The following FGF13 variants were observed in gnomAD, a reference collection of about 807,000 sequenced individuals.
FGF13 encodes the protein fibroblast growth factor homologous factor 2.
A neutral mutation model predicts 19.5 loss-of-function variants in FGF13; 2 were observed. The ratio of observed to expected loss-of-function variants is 0.10; its 90% CI spans 0.04 to 0.32. FGF13 has a LOEUF of 0.32. Ranked by LOEUF, FGF13 falls within the 10% of genes least tolerant of loss-of-function variation. The pLI is 1.00. For synonymous variants in FGF13, 72 were observed against 76.9 expected (o/e 0.94, Z 0.33); for missense variants, 113 against 192.7 (o/e 0.59, Z 2.45).
At chrX:138,715,730 A>T (rs1376952950), upstream of FGF13, among the ~76,000 whole-genome samples, 1 of 112,240 alleles carries the variant, frequency 8.9e-6, no homozygotes, top group African/African-American at 3.2e-5. Flanking sequence ...ATGAGAACAT[A>T]AATTCTAAAT....
intron 1 of FGF13, among the ~76,000 whole-genome samples, chrX:139,126,057 T>C (rs1053826738): frequency 8.9e-6 from 1 of 112,158 alleles, no homozygotes; most frequent in Non-Finnish European, 1.9e-5. Flanking sequence ...TAAATGTACC[T>C]ATACTTTACA....
intron 1 of FGF13, among the ~76,000 whole-genome samples, chrX:139,057,151 A>G (rs984275477): frequency 3.6e-5 from 4 of 111,919 alleles, no homozygotes; most frequent in African/African-American, 1.3e-4. Flanking sequence ...GGGGCATCTG[A>G]GCTAAATCTT....
In FGF13 at chrX:138,872,383, C is replaced by T. The variant is rs776895907; in HGVS notation, c.-112-7733G>A. ...TGTAGAATGTGATCAAATAGGTACCCGGCAAATATTAACATTGCAGGAGAG... is the reference window on the plus strand; with the variant it reads ...TGTAGAATGTGATCAAATAGGTACCTGGCAAATATTAACATTGCAGGAGAG... On this transcript the variant is annotated intron_variant, in intron 1 of 2. Transcript: ENST00000421460. 7.2e-5 allele frequency among the ~76,000 whole-genome samples: 8 copies of T among 111,555 alleles called. No homozygotes were observed. In the South Asian group the frequency reaches 2.3e-3, roughly 32 times the overall value.
chrX:138,955,204 T>C (rs980901233), intron 1 of FGF13, among the ~76,000 whole-genome samples: 4 of 113,066 alleles, frequency 3.5e-5, no homozygotes, highest in African/African-American at 1.3e-4. Flanking sequence ...AAGCACAAAC[T>C]CTTCATTGCC....
intron 3 of FGF13, among the ~76,000 whole-genome samples, chrX:138,753,054 TTG>T (rs753308492): frequency 1.9e-3 from 209 of 112,022 alleles, no homozygotes; most frequent in African/African-American, 6.1e-3. Context: ...AATTACTATT[TTG>T]TGTTTATATA....
At chrX:139,037,656 T>C (rs997788603) in intron 1 of FGF13, among the ~76,000 whole-genome samples, 1 of 111,882 alleles carries the variant, frequency 8.9e-6, no homozygotes, top group Non-Finnish European at 1.9e-5. Context: ...TCTGCATCCA[T>C]GGGCACATCT....
chrX:139,044,263 G>A (rs969243307), intron 1 of FGF13, among the ~76,000 whole-genome samples: 1 of 111,779 alleles, frequency 8.9e-6, no homozygotes, highest in African/African-American at 3.3e-5. Flanking sequence ...GCATGGTGCT[G>A]GCATCTTCTC....
intron 1 of FGF13, among the ~76,000 whole-genome samples, chrX:139,195,330 A>T (rs1232780942): frequency 1.8e-5 from 2 of 112,088 alleles, no homozygotes; most frequent in African/African-American, 6.5e-5. Context: ...AATGTTCAAT[A>T]AACCCCCCAA....
chrX:138,814,512 A>G (rs903027958), intron 3 of FGF13, among the ~76,000 whole-genome samples: 1 of 111,459 alleles, frequency 9.0e-6, no homozygotes, highest in African/African-American at 3.3e-5. Context: ...TAGCAAGAAA[A>G]CAAATAACCA....
intron 3 of FGF13, among the ~76,000 whole-genome samples, chrX:138,690,305 T>G (rs2089826350): frequency 9.0e-6 from 1 of 111,558 alleles, no homozygotes; most frequent in African/African-American, 3.3e-5. Flanking sequence ...CAGGTGTTAA[T>G]ATATATTGCA....
At chrX:138,924,870 T>G (rs911028369) in intron 1 of FGF13, among the ~76,000 whole-genome samples, 25 of 109,683 alleles carry the variant, frequency 2.3e-4, no homozygotes, top group African/African-American at 8.4e-4. Flanking sequence ...TGGTAAAATA[T>G]TCTATGTATG....
At chrX:139,162,628 T>C (rs1337696364) in intron 1 of FGF13, among the ~76,000 whole-genome samples, 1 of 112,109 alleles carries the variant, frequency 8.9e-6, no homozygotes, top group Non-Finnish European at 1.9e-5. Context: ...GAGAAAATTT[T>C]TGCATTCTAT....
upstream of FGF13, chrX:139,204,320 TCGC>T (rs770201350): frequency 3.2e-3 from 1,011 of 318,725 alleles, no homozygotes; most frequent in South Asian, 5.2e-3. Context: ...GGAGCCGCCG[TCGC>T]CGCCGCCGCC....
chrX:138,675,784 A>G (rs947300230), intron 3 of FGF13, among the ~76,000 whole-genome samples: 2 of 111,734 alleles, frequency 1.8e-5, no homozygotes, highest in African/African-American at 3.3e-5. Context: ...TAAAGGGTCC[A>G]TTCTTCTGCT....
chrX:139,164,721 A>G (rs1361961658), intron 1 of FGF13, among the ~76,000 whole-genome samples: 16 of 109,277 alleles, frequency 1.5e-4, no homozygotes, highest in Non-Finnish European at 2.8e-4. Context: ...ATAAATAAAT[A>G]AATGAATGGA....
intron 3 of FGF13, among the ~76,000 whole-genome samples, chrX:138,694,767 T>C (rs1275431298): frequency 9.1e-6 from 1 of 110,150 alleles, no homozygotes; most frequent in Admixed American, 9.7e-5. Flanking sequence ...TGAGCCCACG[T>C]GCCCGGCCAT....
chrX:138,678,609 T>C (rs1209716500), intron 3 of FGF13, among the ~76,000 whole-genome samples: 3 of 111,636 alleles, frequency 2.7e-5, no homozygotes, highest in African/African-American at 6.5e-5. Context: ...GAACCGTAGA[T>C]TTTTTTATTG....
chrX:138,638,640 T>C (rs1164283812), intron 3 of FGF13, among the ~76,000 whole-genome samples: 1 of 112,045 alleles, frequency 8.9e-6, no homozygotes, highest in South Asian at 3.7e-4. Context: ...CGCTTGATTA[T>C]TGTTTATGTG....
chrX:138,717,087 C>A (rs777325170), intron 1 of FGF13, among the ~76,000 whole-genome samples: 2 of 112,153 alleles, frequency 1.8e-5, no homozygotes, highest in Non-Finnish European at 1.9e-5. Context: ...AGCCATAAAA[C>A]GCCCTGATGG....
Sources: gnomAD v4.1 joint callset for allele counts (sites outside exome capture counted in the v4.1 genomes callset) on GRCh38, gnomAD v4.1.1 for gene constraint, MANE v1.5 for transcripts, NCBI Gene and HGNC (gene_info 2026-07-23, HGNC 2026-07-21) for gene names.